Variants in SLC39A11 observed in about 807,000 individuals in gnomAD.
SLC39A11 encodes the protein zinc transporter ZIP11.
A neutral mutation model predicts 36.1 loss-of-function variants in SLC39A11; 33 were observed. The ratio of observed to expected loss-of-function variants is 0.91; its 90% CI spans 0.69 to 1.22. SLC39A11 has a LOEUF of 1.22. Ranked by LOEUF, SLC39A11 falls within the 50% of genes most tolerant of loss-of-function variation. The pLI is 0.00. For missense variants in SLC39A11, 432 were observed against 430.3 expected, an observed-to-expected ratio of 1.00 and a Z score of -0.03; for synonymous variants, 166 against 170.3, an observed-to-expected ratio of 0.97 and a Z score of 0.20.
chr17:72,648,205 C>T (rs1483016777), intron 9 of SLC39A11, among the ~76,000 whole-genome samples: 1 of 151,758 alleles, frequency 6.6e-6, no homozygotes, highest in Non-Finnish European at 1.5e-5. Flanking sequence ...TGGTGGTTGC[C>T]TGTAGTCCCA....
chr17:72,777,367 A>C (rs1241638429), intron 6 of SLC39A11, among the ~76,000 whole-genome samples: 1 of 152,142 alleles, frequency 6.6e-6, no homozygotes, highest in Non-Finnish European at 1.5e-5. Flanking sequence ...ATCCCCCCAA[A>C]ATCCATGTCT....
intron 5 of SLC39A11, among the ~76,000 whole-genome samples, chr17:72,877,715 C>T (rs1175412648): frequency 2.0e-5 from 3 of 152,160 alleles, no homozygotes; most frequent in African/African-American, 7.2e-5. Flanking sequence ...TCACGACAGA[C>T]TTGGAGAGAC....
chr17:72,721,926 C>A (rs4289036), intron 7 of SLC39A11, among the ~76,000 whole-genome samples: 1 of 143,984 alleles, frequency 6.9e-6, no homozygotes, highest in South Asian at 2.1e-4. Context: ...GCAGAGATGG[C>A]GCCACTACAT....
rs111566037 is a variant in SLC39A11, at chr17:72,649,304, T to C, written c.672-36A>G. The C allele has an allele frequency of 3.7e-5, 59 of 1,591,172 alleles. 1 individual carries two copies. In the African/African-American group the frequency reaches 6.2e-4, roughly 17 times the overall value. ...AAGAAAGCACATGAAGGCTGCTGTC[T>C]GGAATAGGTGCTCACACAATGGGAG... On this transcript the variant is annotated intron_variant, in intron 7 of 9. Coordinates refer to ENST00000255559, the MANE Select transcript of SLC39A11 (RefSeq NM_139177.4).
At chr17:72,779,587 A>G (rs2076242364) in intron 6 of SLC39A11, among the ~76,000 whole-genome samples, 1 of 152,128 alleles carries the variant, frequency 6.6e-6, no homozygotes, top group Non-Finnish European at 1.5e-5. Context: ...GTGCTAACCC[A>G]TCGCTCTCTT....
At chr17:72,888,007 C>T (rs141084012) in intron 5 of SLC39A11, among the ~76,000 whole-genome samples, 48 of 152,344 alleles carry the variant, frequency 3.2e-4, no homozygotes, top group African/African-American at 1.1e-3. Flanking sequence ...ATTTCTCTCA[C>T]ACTCAAGTCA....
At chr17:72,817,322 G>A (rs1025889629) in intron 6 of SLC39A11, among the ~76,000 whole-genome samples, 2 of 147,566 alleles carry the variant, frequency 1.4e-5, no homozygotes, top group Non-Finnish European at 3.0e-5. Context: ...AAAGAAGGGA[G>A]GGAGGGAGGG....
At chr17:72,764,981 G>A (rs1313320502) in intron 6 of SLC39A11, among the ~76,000 whole-genome samples, 1 of 152,128 alleles carries the variant, frequency 6.6e-6, no homozygotes, top group African/African-American at 2.4e-5. Flanking sequence ...AGTCATTCTT[G>A]GGCTTGGGCC....
intron 7 of SLC39A11, among the ~76,000 whole-genome samples, chr17:72,692,759 G>C (rs1242338885): frequency 6.6e-6 from 1 of 152,166 alleles, no homozygotes. Flanking sequence ...AGTTGTTCAT[G>C]TGTTCACATC....
At chr17:72,697,289 C>G (rs1254726608) in intron 7 of SLC39A11, among the ~76,000 whole-genome samples, 6 of 152,086 alleles carry the variant, frequency 3.9e-5, no homozygotes, top group East Asian at 1.9e-4. Flanking sequence ...CGCCATGTTG[C>G]CCAGGCTGGT....
intron 4 of SLC39A11, among the ~76,000 whole-genome samples, chr17:72,970,443 T>A (rs558096742): frequency 6.6e-6 from 1 of 152,330 alleles, no homozygotes; most frequent in South Asian, 2.1e-4. Context: ...CGGGTTTCCC[T>A]TTTATGTCTG....
intron 7 of SLC39A11, among the ~76,000 whole-genome samples, chr17:72,650,169 C>A (rs1453421885): frequency 6.6e-6 from 1 of 152,210 alleles, no homozygotes; most frequent in African/African-American, 2.4e-5. Context: ...AGGTCTGGCA[C>A]CATCGCTGCA....
chr17:72,866,942 A>G (rs1254888533), intron 5 of SLC39A11, among the ~76,000 whole-genome samples: 6 of 152,234 alleles, frequency 3.9e-5, no homozygotes, highest in Admixed American at 3.3e-4. Context: ...AAGGCAATCA[A>G]TTTCACACAA....
chr17:73,071,859 G>A (rs1329722075), intron 3 of SLC39A11, among the ~76,000 whole-genome samples: 1 of 152,060 alleles, frequency 6.6e-6, no homozygotes, highest in Middle Eastern at 3.2e-3. Context: ...CCACCTCTCC[G>A]CTAAAACACA....
At chr17:72,883,671 C>T (rs1361276996) in intron 5 of SLC39A11, among the ~76,000 whole-genome samples, 1 of 152,122 alleles carries the variant, frequency 6.6e-6, no homozygotes, top group Non-Finnish European at 1.5e-5. Context: ...GGAGAAACAG[C>T]CAATAAAAAT....
At chr17:72,786,880 C>T (rs1048506686) in intron 6 of SLC39A11, among the ~76,000 whole-genome samples, 5 of 152,124 alleles carry the variant, frequency 3.3e-5, no homozygotes, top group Non-Finnish European at 7.3e-5. Context: ...AGTGCAATGG[C>T]GCAATCTTGG....
rs191919108 is a variant in SLC39A11 at position 72,833,086 on chromosome 17, T to C, written c.601+16548A>G. 1.1e-4 allele frequency among the ~76,000 whole-genome samples: 16 copies of C among 152,314 alleles called. No individual in the cohort carries two copies. The South Asian group carries it at 1.7e-3, about 16-fold the overall frequency. On this transcript the variant is annotated intron_variant, in intron 6 of 9. Coordinates refer to ENST00000255559, the MANE Select transcript of SLC39A11 (RefSeq NM_139177.4). ...TCAATCAAGACCTTAATCAAGACCA[T>C]TGTCAAGCTACAAATAGATTACTTT...
intron 4 of SLC39A11, among the ~76,000 whole-genome samples, chr17:72,998,287 C>CTGTTGT (rs57728841): frequency 0.051 from 7,745 of 152,142 alleles, 679 homozygotes; most frequent in African/African-American, 0.17. Flanking sequence ...GACCACTGTA[C>CTGTTGT]TGTTCCTTTG....
intron 6 of SLC39A11, among the ~76,000 whole-genome samples, chr17:72,806,030 C>T (rs373387540): frequency 6.6e-6 from 1 of 152,112 alleles, no homozygotes. Flanking sequence ...TGGGATTACA[C>T]GTGTGAGCCA....
Sources: allele counts gnomAD v4.1 joint callset (sites outside exome capture counted in the v4.1 genomes callset), GRCh38; gene constraint gnomAD v4.1.1; transcripts MANE v1.5; gene names NCBI Gene and HGNC (gene_info 2026-07-23, HGNC 2026-07-21).